Variants in CDC14A observed in about 807,000 individuals in gnomAD.
CDC14A encodes cell division cycle 14A, also known as dual specificity protein phosphatase CDC14A.
Under a neutral mutation model 74.4 loss-of-function variants are expected in CDC14A, and 53 were observed. The ratio of observed to expected loss-of-function variants is 0.71; its 90% CI spans 0.57 to 0.89. CDC14A has a LOEUF of 0.89. Among genes scored for constraint, CDC14A ranks in the 40% least tolerant of loss-of-function variants. The probability of loss-of-function intolerance (pLI) is 0.00; values close to 1 mark genes in which losing one functional copy is unlikely to be tolerated. For missense variants in CDC14A, 646 were observed against 713.7 expected (o/e 0.91, Z 1.08); for synonymous variants, 247 against 258.4 (o/e 0.96, Z 0.43).
rs138318034 is a variant in CDC14A at position 100,442,948 on chromosome 1, A to C, written c.471A>C (p.Gly157=). The C allele has an allele frequency of 2.7e-5, 44 of 1,603,190 alleles. No homozygotes were observed. In the East Asian group the frequency reaches 9.0e-4, roughly 33 times the overall value. The change falls in exon 7 of 16, where the codon GGA becomes GGC. Residue 157 remains glycine (G), a synonymous_variant. Coordinates refer to ENST00000336454, the MANE Select transcript of CDC14A (RefSeq NM_003672.4). The part of the protein sequence containing the change: ...LQGIRKGLQH[G]FFDFETFDVD... ...TCTGCTTTTAGGGATTACAACATGG[A>C]TTTTTTGACTTTGAGACATTTGATG...
At chr1:100,411,988 G>A (rs1158019476) in intron 4 of CDC14A, among the ~76,000 whole-genome samples, 1 of 152,192 alleles carries the variant, frequency 6.6e-6, no homozygotes, top group South Asian at 2.1e-4. Context: ...TTTAGAGTGG[G>A]AATGAACTAG....
At chr1:100,374,647 T>G (rs1228600662) in intron 2 of CDC14A, among the ~76,000 whole-genome samples, 2 of 152,184 alleles carry the variant, frequency 1.3e-5, no homozygotes, top group Non-Finnish European at 2.9e-5. Flanking sequence ...ACCTGCCTAA[T>G]AGGGATGAAA....
chr1:100,470,999 T>C (rs924673643), intron 10 of CDC14A, among the ~76,000 whole-genome samples: 1 of 152,166 alleles, frequency 6.6e-6, no homozygotes, highest in South Asian at 2.1e-4. Context: ...GCTTTATTCA[T>C]AGTAGCCCAA....
rs181334628 is a variant in CDC14A, at chr1:100,494,476, G to A, written c.1138-342G>A. 1.2e-4 allele frequency among the ~76,000 whole-genome samples: 18 copies of A among 152,282 alleles called. No individual in the cohort carries two copies. In the East Asian group the frequency reaches 2.1e-3, roughly 18 times the overall value. Reference sequence around the variant, plus strand: ...TAGTATCTAAAAACATATTTGTACTGCATCTGTGGGCCCTTCTGTATCTAG... The same window carrying A: ...TAGTATCTAAAAACATATTTGTACTACATCTGTGGGCCCTTCTGTATCTAG... On this transcript the variant is annotated intron_variant, in intron 11 of 15. Coordinates refer to ENST00000336454, the MANE Select transcript of CDC14A (RefSeq NM_003672.4).
intron 15 of CDC14A, among the ~76,000 whole-genome samples, chr1:100,504,653 C>T (rs1649074195): frequency 6.6e-6 from 1 of 152,216 alleles, no homozygotes. Flanking sequence ...ATTTCAACAT[C>T]TTATTTCCCT....
chr1:100,512,171 G>A (rs914332460), intron 15 of CDC14A, among the ~76,000 whole-genome samples: 3 of 151,770 alleles, frequency 2.0e-5, no homozygotes, highest in African/African-American at 4.9e-5. Context: ...TTCCTTTCTC[G>A]ACTCTCCTAG....
intron 4 of CDC14A, 173 bp from the exon 5 acceptor site, chr1:100,424,049 C>T (rs1416264313): frequency 7.4e-5 from 42 of 566,948 alleles, no homozygotes; most frequent in Admixed American, 7.4e-4. Context: ...ACAAAGGCTG[C>T]TGCGCAGCTT....
intron 4 of CDC14A, among the ~76,000 whole-genome samples, chr1:100,418,871 GATCTACCCCATA>G (rs1324247247): frequency 6.6e-6 from 1 of 152,062 alleles, no homozygotes; most frequent in East Asian, 1.9e-4. Flanking sequence ...CCCAAACCTG[GATCTACCCCATA>G]ATTGAAAGAG....
intron 15 of CDC14A, among the ~76,000 whole-genome samples, chr1:100,514,714 C>T (rs1000457887): frequency 6.6e-6 from 1 of 152,010 alleles, no homozygotes; most frequent in African/African-American, 2.4e-5. Flanking sequence ...ACATTTAATG[C>T]GTGAATATGT....
At chr1:100,421,403 A>C (rs758274050) in intron 4 of CDC14A, among the ~76,000 whole-genome samples, 16 of 152,212 alleles carry the variant, frequency 1.1e-4, no homozygotes, top group Non-Finnish European at 2.4e-4. Flanking sequence ...TTTTAGAAAG[A>C]GTACACATTT....
intron 11 of CDC14A, chr1:100,485,965 G>A (rs1349597048): frequency 2.0e-5 from 3 of 152,196 alleles, no homozygotes; most frequent in African/African-American, 7.2e-5. Context: ...CCAAGGTCAT[G>A]TTGATGTTAG....
chr1:100,400,915 G>A (rs745319128), intron 4 of CDC14A, among the ~76,000 whole-genome samples: 1 of 151,160 alleles, frequency 6.6e-6, no homozygotes, highest in Non-Finnish European at 1.5e-5. Flanking sequence ...AACTTCCTTT[G>A]TGTTGTAAAT....
rs569323628 is a variant in CDC14A, at chr1:100,409,289, CAT to C, written c.310-14932_310-14931del. Among the ~76,000 whole-genome samples the C allele has an allele frequency of 1.4e-4, 21 of 152,304 alleles. No homozygotes were observed. In the East Asian group the frequency reaches 3.1e-3, roughly 22 times the overall value. ...ACCTCCCATCGGGTCCCTCCCATAA[CAT>C]GTGGGAATTCAAGATGAGATTTGGG... On this transcript the variant is annotated intron_variant, in intron 4 of 15. Transcript: ENST00000336454.
chr1:100,484,640 G>C, intron 11 of CDC14A, 189 bp downstream of exon 11: 2 of 1,120,836 alleles, frequency 1.8e-6, no homozygotes, highest in Non-Finnish European at 1.1e-6. Context: ...AAAAAAAAAA[G>C]CTATAATTTA....
At chr1:100,404,847 C>T (rs1372412997) in intron 4 of CDC14A, among the ~76,000 whole-genome samples, 1 of 151,432 alleles carries the variant, frequency 6.6e-6, no homozygotes, top group Non-Finnish European at 1.5e-5. Flanking sequence ...CAAAACAAAA[C>T]AAAACAAAAC....
intron 15 of CDC14A, chr1:100,504,869 C>T: frequency 6.5e-7 from 1 of 1,535,584 alleles, no homozygotes; most frequent in Non-Finnish European, 8.7e-7. Flanking sequence ...CCCCTGCTCT[C>T]CTTACCAATT....
At chr1:100,400,975 T>C (rs1461775756) in intron 4 of CDC14A, among the ~76,000 whole-genome samples, 1 of 152,200 alleles carries the variant, frequency 6.6e-6, no homozygotes, top group African/African-American at 2.4e-5. Context: ...CAGGCATACA[T>C]ACTCACTGCA....
chr1:100,389,873 T>G (rs1657445242), intron 3 of CDC14A, among the ~76,000 whole-genome samples: 1 of 152,202 alleles, frequency 6.6e-6, no homozygotes, highest in Non-Finnish European at 1.5e-5. Context: ...GAAAATCAAT[T>G]GTCAAAATAC....
chr1:100,490,707 C>T (rs1033613189), intron 11 of CDC14A, among the ~76,000 whole-genome samples: 6 of 152,006 alleles, frequency 3.9e-5, no homozygotes, highest in East Asian at 3.9e-4. Context: ...TGAGGGGGGT[C>T]GTGTGGGTGT....
Sources: gnomAD v4.1 joint callset for allele counts (sites outside exome capture counted in the v4.1 genomes callset) on GRCh38, gnomAD v4.1.1 for gene constraint, MANE v1.5 for transcripts, NCBI Gene and HGNC (gene_info 2026-07-23, HGNC 2026-07-21) for gene names.